The following COL12A1 variants were observed in gnomAD, a reference collection of about 807,000 sequenced individuals.
The protein encoded by COL12A1 is collagen type XII alpha 1 chain, also known as collagen alpha-1(XII) chain.
Under a neutral mutation model 349.7 loss-of-function variants are expected in COL12A1, and 114 were observed. The ratio of observed to expected loss-of-function variants is 0.33; its 90% CI spans 0.28 to 0.38. The LOEUF (loss-of-function observed/expected upper bound fraction) is 0.38, where lower values mean the gene tolerates loss of function less well. Ranked by LOEUF, COL12A1 falls within the 10% of genes least tolerant of loss-of-function variation. COL12A1 has a pLI of 1.00. For missense variants in COL12A1, 3,284 were observed against 3,756.9 expected (o/e 0.87, Z 3.29); for synonymous variants, 1,369 against 1,329.0 (o/e 1.03, Z -0.66).
chr6:75,115,768 C>T lies in COL12A1; in HGVS notation c.7697+16G>A. 1 of 1,578,406 alleles carries T rather than the reference C, an allele frequency of 6.3e-7. No homozygotes were observed. Among genetic ancestry groups the T allele is most frequent in the Non-Finnish European group, 8.6e-7 (1 of 1,165,918 alleles). On this transcript the variant is annotated intron_variant, in intron 49 of 65. Coordinates refer to ENST00000322507, the MANE Select transcript of COL12A1 (RefSeq NM_004370.6). Reference sequence around the variant, plus strand: ...CAGGTCTTAAGAAAAGGAAAACCTCCTGTTGTCACACTTACGCTGTAGGCT... The same window carrying T: ...CAGGTCTTAAGAAAAGGAAAACCTCTTGTTGTCACACTTACGCTGTAGGCT...
At chr6:75,130,000 C>T (rs1051199339) in intron 37 of COL12A1, 91 bp downstream of exon 37, 9 of 1,433,916 alleles carry the variant, frequency 6.3e-6, no homozygotes, top group East Asian at 4.6e-5. Flanking sequence ...AGGACTCAAC[C>T]GTACTCACAG....
chr6:75,127,488 T>C (rs1382477852), intron 38 of COL12A1, among the ~76,000 whole-genome samples: 2 of 152,164 alleles, frequency 1.3e-5, no homozygotes, highest in East Asian at 1.9e-4. Context: ...TCATGTTACT[T>C]AAGTAGATTT....
At chr6:75,137,291 C>G in intron 31 of COL12A1, 146 bp downstream of exon 31, 1 of 727,310 alleles carries the variant, frequency 1.4e-6, no homozygotes. Context: ...GGAGTGCCAG[C>G]TAAAGAGTCA....
At chr6:75,105,729 C>T (rs1406623935) in intron 53 of COL12A1, among the ~76,000 whole-genome samples, 1 of 152,158 alleles carries the variant, frequency 6.6e-6, no homozygotes, top group African/African-American at 2.4e-5. Context: ...CACTGTCTGT[C>T]CCTTTGCCCT....
At chr6:75,103,090 C>A (rs1768380399) in intron 55 of COL12A1, among the ~76,000 whole-genome samples, 2 of 152,220 alleles carry the variant, frequency 1.3e-5, no homozygotes, top group African/African-American at 4.8e-5. Flanking sequence ...ATATATAAAT[C>A]AAGCAAGGAA....
intron 52 of COL12A1, 25 bp from the exon 53 acceptor site, chr6:75,106,521 A>C: frequency 6.2e-7 from 1 of 1,608,314 alleles, no homozygotes; most frequent in Non-Finnish European, 8.5e-7. Context: ...CAGCAACATC[A>C]GCTAAAGATG....
At chr6:75,133,698 G>C (rs184147493) in intron 33 of COL12A1, among the ~76,000 whole-genome samples, 160 bp downstream of exon 33, 51 of 152,144 alleles carry the variant, frequency 3.4e-4, no homozygotes, top group Admixed American at 3.3e-3. Flanking sequence ...CTGTTACCCA[G>C]GCTCTAAGGC....
At chr6:75,095,315 T>A (rs1290087643) in intron 59 of COL12A1, 136 bp from the exon 60 acceptor site, 9 of 673,970 alleles carry the variant, frequency 1.3e-5, no homozygotes, top group Non-Finnish European at 2.2e-5. Context: ...TAAAACCAAA[T>A]TTTAAGATAA....
chr6:75,191,667 G>A lies in COL12A1; in HGVS notation c.394+34C>T, dbSNP rs1488103021. ...TCTATCCTACATTTATGACTTCCATGAATCTAAGCAAAAATAGTAAGAGAA... is the reference window on the plus strand; with the variant it reads ...TCTATCCTACATTTATGACTTCCATAAATCTAAGCAAAAATAGTAAGAGAA... On this transcript the variant is annotated intron_variant, in intron 5 of 65. Transcript: ENST00000322507. The A allele has an allele frequency of 2.6e-6, 4 of 1,511,144 alleles. No homozygotes were observed. The South Asian group carries it at 4.9e-5, about 18-fold the overall frequency. The allele number at this position is 1,511,144 out of a possible 1,614,324, so 93.6% of individuals were successfully genotyped here. A position where few individuals can be genotyped will look rare whatever the true frequency, so the allele number is the denominator to read the frequency against.
At chr6:75,117,676 G>A (rs1408058364) in intron 46 of COL12A1, 130 bp from the exon 47 acceptor site, 5 of 832,438 alleles carry the variant, frequency 6.0e-6, no homozygotes, top group Non-Finnish European at 9.0e-6. Context: ...CCTTTTACTT[G>A]ACGTGAACTC....
intron 8 of COL12A1, among the ~76,000 whole-genome samples, chr6:75,185,979 C>T (rs1210150418): frequency 6.6e-6 from 1 of 152,088 alleles, no homozygotes; most frequent in Non-Finnish European, 1.5e-5. Flanking sequence ...AGATGGATTA[C>T]AGACTTAAAT....
At position 75,181,358 on chromosome 6, in the gene COL12A1, T is replaced by C. The variant is rs144852681; in HGVS notation, c.1892-147A>G. ...TACTGTACTGGGTATCTCATCTACA[T>C]TTGACCATTGAGAGAAAGCCCCCCA... On this transcript the variant is annotated intron_variant, in intron 10 of 65. Coordinates refer to ENST00000322507, the MANE Select transcript of COL12A1 (RefSeq NM_004370.6). 2,719 of 769,548 alleles carry C rather than the reference T, an allele frequency of 3.5e-3. 10 individuals carry two copies. Among genetic ancestry groups the C allele is most frequent in the Non-Finnish European group, 4.9e-3 (2,445 of 496,092 alleles). The allele number at this position is 769,548 out of a possible 1,614,324, so 47.7% of individuals were successfully genotyped here.
chr6:75,112,963 T>G (rs371223914), intron 51 of COL12A1: 1 of 253,808 alleles, frequency 3.9e-6, no homozygotes, highest in Non-Finnish European at 7.4e-6. Context: ...ATATATAGTA[T>G]GATTCAAATT....
At position 75,131,277 on chromosome 6, in the gene COL12A1, A is replaced by G. The variant is rs181740475; in HGVS notation, c.5938-296T>C. Among the ~76,000 whole-genome samples, 323 of 152,322 alleles carry G rather than the reference A, an allele frequency of 2.1e-3. 1 individual carries two copies. Among genetic ancestry groups the G allele is most frequent in the African/African-American group, 6.5e-3 (272 of 41,582 alleles). On this transcript the variant is annotated intron_variant, in intron 35 of 65. Transcript: ENST00000322507. ...ATGCAAAGCTCATGATATTTCCCCA[A>G]AAAACATCCTGCATGTTAAATACAC...
At position 75,123,381 on chromosome 6, in the gene COL12A1, T is replaced by A; in HGVS notation, c.6895A>T (p.Thr2299Ser). The A allele has an allele frequency of 6.3e-7, 1 of 1,596,336 alleles. No homozygotes were observed. The highest frequency in any genetic ancestry group is 8.5e-7 in the Non-Finnish European group (1 of 1,170,770). The change falls in exon 43 of 66, where the codon ACA (threonine) becomes TCA (serine). Residue 2299 changes from threonine to serine, a missense_variant. This residue lies in a region of COL12A1 where 2,601 missense variants were observed against 2,824.8 expected (regional missense o/e 0.92). Transcript: ENST00000322507. ...GGGGGAGGAGGTGTGGGTGGCTCTG[T>A]AGGGGCTTCTGTTGGTTTCACAGCT... ...HTTVKPTEAP[T>S]EPPTPPPPPT... is the part of the protein sequence containing the mutation.
At position 75,128,350 on chromosome 6, in the gene COL12A1, T is replaced by C. The variant is rs771740222; in HGVS notation, c.6286A>G (p.Ile2096Val). 4.3e-6 allele frequency: 7 copies of C among 1,610,006 alleles called. No individual in the cohort carries two copies. In the South Asian group the frequency reaches 6.7e-5, roughly 15 times the overall value. Residue 2096 changes from isoleucine to valine, a missense_variant, in exon 38 of 66, where the codon ATT (isoleucine) becomes GTT (valine). Around this residue, in one of 2 missense-constraint regions of COL12A1, gnomAD observed 2,601 missense variants for 2,824.8 expected, o/e 0.92. Transcript: ENST00000322507. ...CCATCTCCATCTTCATAAACAGCAA[T>C]AACAGTAATTTTATATGGAGTGTCA... ...QPDTPYKITVIAVYEDGDGGH... is the reference protein window; with the variant it reads ...QPDTPYKITVVAVYEDGDGGH...
chr6:75,162,188 G>A (rs1432959727), intron 14 of COL12A1, among the ~76,000 whole-genome samples: 1 of 152,098 alleles, frequency 6.6e-6, no homozygotes, highest in African/African-American at 2.4e-5. Context: ...AGTCCACATA[G>A]CCAAGACAAT....
At chr6:75,150,869 G>T (rs915658636) in intron 21 of COL12A1, among the ~76,000 whole-genome samples, 3 of 151,946 alleles carry the variant, frequency 2.0e-5, no homozygotes, top group African/African-American at 4.8e-5. Flanking sequence ...GTGCCATCAC[G>T]AGAAACAAAT....
In COL12A1 at chr6:75,113,704, T is replaced by C. The variant is rs781269301; in HGVS notation, c.7738A>G (p.Ile2580Val). 4 of 1,604,700 alleles carry C rather than the reference T, an allele frequency of 2.5e-6. No individual in the cohort carries two copies. The highest frequency in any genetic ancestry group is 3.4e-6 in the Non-Finnish European group (4 of 1,173,926). ...TCTGGGAGAAGTCTGAATAATAATA[T>C]AATCGTGTATGAAGGAGGGAGTCCA... ...PNGLPPSYTIILLFRLLPETP... is the reference protein window; with the variant it reads ...PNGLPPSYTIVLLFRLLPETP... Residue 2580 changes from isoleucine to valine, a missense_variant, in exon 50 of 66, where the codon ATA becomes GTA. Coordinates refer to ENST00000322507, the MANE Select transcript of COL12A1 (RefSeq NM_004370.6).
Sources: gnomAD v4.1 joint callset for allele counts (sites outside exome capture counted in the v4.1 genomes callset) on GRCh38, gnomAD v4.1.1 for gene constraint, gnomAD v4.1.1 regional missense constraint, MANE v1.5 for transcripts, NCBI Gene and HGNC (gene_info 2026-07-23, HGNC 2026-07-21) for gene names.